The following IL1RAP variants were observed in gnomAD, a reference collection of about 807,000 sequenced individuals.
IL1RAP encodes the protein interleukin 1 receptor accessory protein.
IL1RAP carries 35 observed loss-of-function variants against 60.7 expected under a neutral mutation model. That is an observed-to-expected ratio of 0.58 (90% CI 0.44 to 0.76). IL1RAP has a LOEUF of 0.76. IL1RAP is among the 30% of genes least tolerant of loss of function. The pLI, the probability that IL1RAP is intolerant of heterozygous loss-of-function variation, is 0.00. For missense variants in IL1RAP, 572 were observed against 693.9 expected, an observed-to-expected ratio of 0.82 and a Z score of 1.97; for synonymous variants, 268 against 250.9, an observed-to-expected ratio of 1.07 and a Z score of -0.64.
chr3:190,541,535 T>C (rs914487542), intron 1 of IL1RAP, among the ~76,000 whole-genome samples: 3 of 152,150 alleles, frequency 2.0e-5, no homozygotes, highest in Non-Finnish European at 2.9e-5. Context: ...TCAGCTGACT[T>C]TTGTCTTTGG....
intron 5 of IL1RAP, among the ~76,000 whole-genome samples, chr3:190,609,911 G>A (rs1018927551): frequency 1.3e-4 from 20 of 152,144 alleles, no homozygotes; most frequent in African/African-American, 3.4e-4. Context: ...ACAGGAGAAC[G>A]CCAAAAGAGC....
chr3:190,540,845 ACAGAAAGAACTCT>A (rs1247003143), intron 1 of IL1RAP, among the ~76,000 whole-genome samples: 8 of 152,260 alleles, frequency 5.3e-5, no homozygotes, highest in African/African-American at 1.9e-4. Flanking sequence ...GATGGCAAAG[ACAGAAAGAACTCT>A]CACTCTTTTA....
intron 10 of IL1RAP, among the ~76,000 whole-genome samples, chr3:190,644,619 C>T (rs561118517): frequency 9.0e-4 from 137 of 152,196 alleles, no homozygotes; most frequent in African/African-American, 2.7e-3. Flanking sequence ...TTAACACCCT[C>T]CAAATAGAAA....
chr3:190,656,451 G>T (rs1200905544), downstream of IL1RAP: 3 of 1,537,104 alleles, frequency 2.0e-6, no homozygotes, highest in East Asian at 7.3e-5. Flanking sequence ...ACCAGCCCCA[G>T]TGGGAGACAC....
chr3:190,595,985 T>C (rs191743785), intron 3 of IL1RAP, among the ~76,000 whole-genome samples: 1 of 152,320 alleles, frequency 6.6e-6, no homozygotes, highest in East Asian at 1.9e-4. Context: ...CTAGGACTTT[T>C]AACTCTCACA....
chr3:190,561,117 T>G (rs917648187), intron 2 of IL1RAP, among the ~76,000 whole-genome samples: 10 of 152,174 alleles, frequency 6.6e-5, no homozygotes, highest in African/African-American at 2.4e-4. Context: ...ATTTAGACAC[T>G]GAGAATCTGT....
At chr3:190,583,186 T>A (rs1728152881) in intron 3 of IL1RAP, among the ~76,000 whole-genome samples, 1 of 152,260 alleles carries the variant, frequency 6.6e-6, no homozygotes, top group African/African-American at 2.4e-5. Flanking sequence ...ACTTAATTAA[T>A]GTCTGTGACC....
chr3:190,529,334 C>CGAGACCAGCCTGGTCAA (rs566453411), intron 1 of IL1RAP, among the ~76,000 whole-genome samples: 3,783 of 151,886 alleles, frequency 0.025, 79 homozygotes, highest in Non-Finnish European at 0.039. Context: ...GTCAGGAGTT[C>CGAGACCAGCCTGGTCAA]GAGACCAGCC....
chr3:190,550,067 G>A (rs920105193), intron 1 of IL1RAP, among the ~76,000 whole-genome samples: 4 of 152,134 alleles, frequency 2.6e-5, no homozygotes, highest in Admixed American at 6.5e-5. Flanking sequence ...GCCTTGGCAC[G>A]TGCCGCCCAT....
chr3:190,604,933 AT>A (rs1042855052), intron 4 of IL1RAP, among the ~76,000 whole-genome samples: 3 of 152,094 alleles, frequency 2.0e-5, no homozygotes, highest in African/African-American at 7.2e-5. Context: ...AAAATTACAT[AT>A]GTGGTTCGCA....
At chr3:190,591,336 G>A (rs758127899) in intron 3 of IL1RAP, among the ~76,000 whole-genome samples, 20 of 152,164 alleles carry the variant, frequency 1.3e-4, no homozygotes, top group Admixed American at 1.1e-3. Flanking sequence ...GGTTTAGAAC[G>A]GGGTTGTTGG....
At chr3:190,644,074 TA>T (rs1389195955) in intron 9 of IL1RAP, 173 bp from the exon 10 acceptor site, 1 of 954,994 alleles carries the variant, frequency 1.0e-6, no homozygotes, top group African/African-American at 1.8e-5. Context: ...AAGATAAACA[TA>T]ACACAGTCTA....
intron 9 of IL1RAP, among the ~76,000 whole-genome samples, chr3:190,643,071 A>G (rs1334665855): frequency 6.6e-6 from 1 of 152,210 alleles, no homozygotes; most frequent in African/African-American, 2.4e-5. Context: ...ATGGAAGAAA[A>G]AGACATAATC....
At chr3:190,571,467 G>A (rs1257492380) in intron 3 of IL1RAP, among the ~76,000 whole-genome samples, 4 of 152,064 alleles carry the variant, frequency 2.6e-5, no homozygotes, top group African/African-American at 9.7e-5. Context: ...AATGAGCTGT[G>A]ATCACGCCAC....
intron 3 of IL1RAP, among the ~76,000 whole-genome samples, chr3:190,596,027 A>G (rs1048106604): frequency 5.3e-5 from 8 of 152,230 alleles, no homozygotes; most frequent in Non-Finnish European, 1.2e-4. Context: ...GTGTACATGC[A>G]GAGACTAGTT....
intron 1 of IL1RAP, among the ~76,000 whole-genome samples, chr3:190,536,040 A>G (rs1447812292): frequency 2.6e-5 from 4 of 152,204 alleles, no homozygotes; most frequent in Non-Finnish European, 4.4e-5. Context: ...CCCAGAACCT[A>G]TTGAAATACG....
chr3:190,628,442 A>G (rs6444444), intron 8 of IL1RAP, among the ~76,000 whole-genome samples: 136,966 of 152,290 alleles, frequency 0.9, 61,806 homozygotes, highest in East Asian at 1. Flanking sequence ...AAGCTTAAGC[A>G]AAACCAATCA....
chr3:190,616,868 C>T (rs1343970937), intron 5 of IL1RAP, among the ~76,000 whole-genome samples: 7 of 152,272 alleles, frequency 4.6e-5, no homozygotes, highest in African/African-American at 1.7e-4. Flanking sequence ...AGCAAGTTTC[C>T]GACCACGCAG....
At chr3:190,590,935 T>C (rs898929384) in intron 3 of IL1RAP, among the ~76,000 whole-genome samples, 2 of 152,190 alleles carry the variant, frequency 1.3e-5, no homozygotes, top group East Asian at 3.8e-4. Context: ...ATTTTATACT[T>C]GCTACAAGTA....
Sources: gnomAD v4.1 joint callset for allele counts (sites outside exome capture counted in the v4.1 genomes callset) on GRCh38, gnomAD v4.1.1 for gene constraint, MANE v1.5 for transcripts, NCBI Gene and HGNC (gene_info 2026-07-23, HGNC 2026-07-21) for gene names.